Variants in ADD2 observed in about 807,000 individuals in gnomAD.
The protein encoded by ADD2 is adducin 2.
In ADD2, 23 loss-of-function variants were observed where a neutral mutation model predicts 83.0. The observed-to-expected ratio is 0.28, with a 90% CI of 0.20 to 0.39. The LOEUF is 0.39. Among genes scored for constraint, ADD2 ranks in the 10% least tolerant of loss-of-function variants. The pLI is 1.00. For missense variants in ADD2, 758 were observed against 944.9 expected (o/e 0.80, Z 2.59); for synonymous variants, 375 against 375.4 (o/e 1.00, Z 0.01).
chr2:70,710,904 G>A (rs1016237900), intron 2 of ADD2, among the ~76,000 whole-genome samples: 4 of 152,164 alleles, frequency 2.6e-5, no homozygotes, highest in African/African-American at 9.7e-5. Context: ...GTGATTGAGG[G>A]GCTTAAGTCA....
intron 1 of ADD2, among the ~76,000 whole-genome samples, chr2:70,743,357 T>C (rs1366813845): frequency 6.6e-6 from 1 of 152,194 alleles, no homozygotes; most frequent in African/African-American, 2.4e-5. Context: ...CTCTGAGAGC[T>C]GGATTACCAT....
chr2:70,731,747 A>G (rs1354560262), intron 1 of ADD2, among the ~76,000 whole-genome samples: 1 of 152,108 alleles, frequency 6.6e-6, no homozygotes, highest in Non-Finnish European at 1.5e-5. Context: ...AAATCCCTCT[A>G]CGGACCCCAC....
chr2:70,736,733 G>C (rs903554900), intron 1 of ADD2, among the ~76,000 whole-genome samples: 2 of 150,710 alleles, frequency 1.3e-5, no homozygotes, highest in East Asian at 1.9e-4. Flanking sequence ...TCCTCACACT[G>C]TATTGGACAT....
chr2:70,739,384 A>G (rs1300499525), intron 1 of ADD2, among the ~76,000 whole-genome samples: 1 of 152,234 alleles, frequency 6.6e-6, no homozygotes, highest in Non-Finnish European at 1.5e-5. Context: ...CAAAAATTAC[A>G]GATACTGGCA....
chr2:70,657,242 G>A lies in ADD2; in HGVS notation c.*6183C>T, dbSNP rs1278313463. On this transcript the variant is annotated 3_prime_UTR_variant, in exon 16 of 16. Coordinates refer to ENST00000264436, the MANE Select transcript of ADD2 (RefSeq NM_001617.4). The stretch of plus-strand genomic sequence containing the variant: ...CTAGGAAAAGCTAAACACAGACAAT[G>A]TATGTACAAGGGAAGACAGTAAGTA... 4.6e-5 allele frequency: 7 copies of A among 152,086 alleles called. No homozygotes were observed. Among genetic ancestry groups the A allele is most frequent in the Admixed American group, 4.6e-4 (7 of 15,270 alleles). 9.4% of individuals were successfully genotyped at this position (152,086 alleles called of 1,614,324 possible).
chr2:70,737,638 T>A (rs1673646008), intron 1 of ADD2, among the ~76,000 whole-genome samples: 1 of 151,570 alleles, frequency 6.6e-6, no homozygotes, highest in Non-Finnish European at 1.5e-5. Context: ...GACGAGTTAA[T>A]GGGTGCAGCA....
intron 15 of ADD2, among the ~76,000 whole-genome samples, chr2:70,668,614 G>A (rs1362986028): frequency 2.0e-5 from 3 of 152,184 alleles, no homozygotes; most frequent in South Asian, 2.1e-4. Flanking sequence ...TGCTGCTGAC[G>A]TCTGCCAAGT....
At chr2:70,696,428 G>C in intron 4 of ADD2, 32 bp from the exon 5 acceptor site, 1 of 1,612,630 alleles carries the variant, frequency 6.2e-7, no homozygotes, top group Non-Finnish European at 8.5e-7. Context: ...CTCAGGGCCA[G>C]GGCCCATCTG....
Position 70,692,566 on chromosome 2 carries a change from G to A in ADD2, c.556-14C>T, listed in dbSNP as rs1375855121. 1 of 1,583,526 alleles carries A rather than the reference G, an allele frequency of 6.3e-7. No homozygotes were observed. Among genetic ancestry groups the A allele is most frequent in the Non-Finnish European group, 8.6e-7 (1 of 1,165,456 alleles). ...GTTCACCTTGATCTGCGCCAGGGAA[G>A]AAGAGAGACTTATGGCAACAGGGTG... On this transcript the variant is annotated splice_polypyrimidine_tract_variant and intron_variant, in intron 6 of 15. Coordinates refer to ENST00000264436, the MANE Select transcript of ADD2 (RefSeq NM_001617.4).
At chr2:70,715,957 C>CT (rs1672443915) in intron 1 of ADD2, among the ~76,000 whole-genome samples, 1 of 152,228 alleles carries the variant, frequency 6.6e-6, no homozygotes, top group Non-Finnish European at 1.5e-5. Context: ...ACAGTCCTTC[C>CT]TGGCCCATGC....
At chr2:70,754,112 C>G (rs1674656113) in intron 1 of ADD2, among the ~76,000 whole-genome samples, 1 of 152,074 alleles carries the variant, frequency 6.6e-6, no homozygotes, top group Admixed American at 6.6e-5. Flanking sequence ...GAGGGAGTTC[C>G]TACAATTCAC....
intron 1 of ADD2, among the ~76,000 whole-genome samples, chr2:70,745,256 A>G (rs923855445): frequency 1.4e-4 from 21 of 152,248 alleles, no homozygotes; most frequent in Non-Finnish European, 2.5e-4. Context: ...ACTGCACTCC[A>G]GCCTGGGCGA....
intron 1 of ADD2, among the ~76,000 whole-genome samples, chr2:70,756,161 G>GC (rs1415497259): frequency 6.6e-6 from 1 of 151,850 alleles, no homozygotes; most frequent in Non-Finnish European, 1.5e-5. Context: ...AGCAGATCCT[G>GC]CCTACCCCCT....
chr2:70,702,799 T>C (rs952019106), intron 4 of ADD2, among the ~76,000 whole-genome samples: 38 of 150,000 alleles, frequency 2.5e-4, no homozygotes, highest in African/African-American at 9.1e-4. Context: ...AATAGGAAAA[T>C]AGGCAAAGGA....
rs1328197417 is a variant in ADD2 at position 70,661,126 on chromosome 2, T to C, written c.*2299A>G. ...ATGAGGCCTAAGTGAGGCCTCATTG[T>C]CAAGGGAATAGAGTGTGTTGAATGC... is the stretch of plus-strand genomic sequence containing the variant. On this transcript the variant is annotated 3_prime_UTR_variant, in exon 16 of 16. Coordinates refer to ENST00000264436, the MANE Select transcript of ADD2 (RefSeq NM_001617.4). 7 of 152,052 alleles carry C rather than the reference T, an allele frequency of 4.6e-5. No homozygotes were observed. Among genetic ancestry groups the C allele is most frequent in the Non-Finnish European group, 8.8e-5 (6 of 67,998 alleles). 9.4% of individuals were successfully genotyped at this position (152,052 alleles called of 1,614,324 possible).
chr2:70,684,946 C>T (rs1346600295), intron 9 of ADD2, among the ~76,000 whole-genome samples: 1 of 152,122 alleles, frequency 6.6e-6, no homozygotes, highest in Non-Finnish European at 1.5e-5. Flanking sequence ...CTGTGCTTAT[C>T]TAATGGTACA....
In ADD2 at chr2:70,706,382, A is replaced by T. The variant is rs782227142; in HGVS notation, c.27T>A (p.Ala9=). The part of the protein sequence containing the change: MSEETVPE[A]ASPPPPQGQP... The stretch of plus-strand genomic sequence containing the variant: ...GCCCCTGCGGGGGCGGCGGCGAGGC[A>T]GCCTCGGGGACCGTCTCTTCGCTCA... Residue 9 remains alanine (A), a synonymous_variant, in exon 3 of 16, where the codon GCT becomes GCA. Transcript: ENST00000264436. This position sits in a 1 kb window ranked among gnomAD's most constrained non-coding sequence, Gnocchi z 5.0. The T allele has an allele frequency of 6.2e-7, 1 of 1,610,328 alleles. No homozygotes were observed. Among genetic ancestry groups the T allele is most frequent in the Admixed American group, 1.7e-5 (1 of 59,882 alleles).
At chr2:70,732,612 G>A (rs924218607) in intron 1 of ADD2, among the ~76,000 whole-genome samples, 1 of 152,182 alleles carries the variant, frequency 6.6e-6, no homozygotes, top group African/African-American at 2.4e-5. Context: ...AGGGATGTCA[G>A]AGGTGAGCAT....
intron 2 of ADD2, among the ~76,000 whole-genome samples, chr2:70,709,474 T>C (rs1553375112): frequency 6.6e-6 from 1 of 152,238 alleles, no homozygotes; most frequent in Non-Finnish European, 1.5e-5. Context: ...ATGTTGCTGG[T>C]GGACTGAGCT....
Sources: gnomAD v4.1 joint callset for allele counts (sites outside exome capture counted in the v4.1 genomes callset) on GRCh38, gnomAD v4.1.1 for gene constraint, Gnocchi (gnomAD v3.1) non-coding constraint, MANE v1.5 for transcripts, NCBI Gene and HGNC (gene_info 2026-07-23, HGNC 2026-07-21) for gene names.